The following BCKDHB variants were observed in gnomAD, a reference collection of about 807,000 sequenced individuals.
BCKDHB encodes the protein branched chain keto acid dehydrogenase E1 subunit beta.
BCKDHB carries 41 observed loss-of-function variants against 48.5 expected under a neutral mutation model. That is an observed-to-expected ratio of 0.85 (90% CI 0.66 to 1.10). The LOEUF (loss-of-function observed/expected upper bound fraction) is 1.10. BCKDHB is among the 50% of genes least tolerant of loss of function. The pLI, the probability that BCKDHB is intolerant of heterozygous loss-of-function variation, is 0.00. For missense variants in BCKDHB, 496 were observed against 494.2 expected, an observed-to-expected ratio of 1.00 and a Z score of -0.03; for synonymous variants, 201 against 174.8, an observed-to-expected ratio of 1.15 and a Z score of -1.18.
At chr6:80,352,116 G>A in the BCKDHB span, among the ~76,000 whole-genome samples, 2 of 151,162 alleles carry the variant, frequency 1.3e-5, no homozygotes, top group South Asian at 2.1e-4. Flanking sequence ...TAGCCACTGC[G>A]CCCGGCTTTT....
At chr6:80,207,738 G>A (rs186003653) in intron 8 of BCKDHB, among the ~76,000 whole-genome samples, 2 of 151,770 alleles carry the variant, frequency 1.3e-5, no homozygotes, top group East Asian at 3.9e-4. Context: ...AGGCAAAAAG[G>A]ACTACTAGAA....
intron 3 of BCKDHB, among the ~76,000 whole-genome samples, chr6:80,162,750 C>T (rs1379659046): frequency 6.6e-6 from 1 of 152,062 alleles, no homozygotes; most frequent in Non-Finnish European, 1.5e-5. Flanking sequence ...ACTCGGGAGG[C>T]TGAGGAAGGA....
the BCKDHB span, among the ~76,000 whole-genome samples, chr6:80,402,077 G>A: frequency 6.6e-6 from 1 of 151,692 alleles, no homozygotes; most frequent in Non-Finnish European, 1.5e-5. Context: ...AATAAGCATG[G>A]GGGAGCAGAT....
intron 9 of BCKDHB, among the ~76,000 whole-genome samples, chr6:80,290,629 C>A (rs920510327): frequency 6.6e-6 from 1 of 152,168 alleles, no homozygotes; most frequent in Non-Finnish European, 1.5e-5. Context: ...AAATCCAGCA[C>A]AAGAATTTGT....
chr6:80,234,437 A>G (rs1708486951), intron 8 of BCKDHB, among the ~76,000 whole-genome samples: 1 of 152,186 alleles, frequency 6.6e-6, no homozygotes, highest in Non-Finnish European at 1.5e-5. Context: ...TTTGTATATA[A>G]ATATAGATTG....
chr6:80,215,734 T>A (rs1329321572), intron 8 of BCKDHB, among the ~76,000 whole-genome samples: 1 of 152,202 alleles, frequency 6.6e-6, no homozygotes, highest in East Asian at 1.9e-4. Flanking sequence ...TCTGACCTAA[T>A]GTTATATATA....
the BCKDHB span, chr6:80,463,142 A>C: frequency 6.6e-6 from 1 of 152,344 alleles, no homozygotes; most frequent in East Asian, 1.9e-4. Flanking sequence ...GTAAGTGCAA[A>C]CATATTTCGA....
the BCKDHB span, among the ~76,000 whole-genome samples, chr6:80,377,047 T>A: frequency 6.6e-6 from 1 of 151,320 alleles, no homozygotes; most frequent in African/African-American, 2.4e-5. Context: ...TTAATTTTTT[T>A]TTTTTTTTTT....
At chr6:80,374,105 C>A in the BCKDHB span, 1 of 703,712 alleles carries the variant, frequency 1.4e-6, no homozygotes, top group Non-Finnish European at 2.6e-6. Context: ...TAGGAGCAAT[C>A]TGTTCCTTTT....
chr6:80,464,574 C>T, the BCKDHB span, among the ~76,000 whole-genome samples: 1 of 152,154 alleles, frequency 6.6e-6, no homozygotes, highest in African/African-American at 2.4e-5. Context: ...AATAAAAATT[C>T]CTCTCCTCAG....
At chr6:80,398,642 CAA>C in the BCKDHB span, among the ~76,000 whole-genome samples, 1 of 150,972 alleles carries the variant, frequency 6.6e-6, no homozygotes, top group Non-Finnish European at 1.5e-5. Flanking sequence ...GATTCACAGT[CAA>C]ATTCTACCAG....
chr6:80,180,043 G>A (rs1727419442), intron 6 of BCKDHB, among the ~76,000 whole-genome samples: 1 of 152,102 alleles, frequency 6.6e-6, no homozygotes, highest in Non-Finnish European at 1.5e-5. Flanking sequence ...TGCTCTCTGT[G>A]CAAACCTCTG....
intron 9 of BCKDHB, among the ~76,000 whole-genome samples, chr6:80,287,483 G>A (rs528963891): frequency 6.9e-6 from 1 of 144,306 alleles, no homozygotes; most frequent in Non-Finnish European, 1.5e-5. Context: ...TTTTTTTAAT[G>A]TAATGTTGAT....
At chr6:80,377,010 A>T in the BCKDHB span, among the ~76,000 whole-genome samples, 6 of 150,926 alleles carry the variant, frequency 4.0e-5, no homozygotes, top group South Asian at 1.3e-3. Flanking sequence ...CACTTTTTTA[A>T]TAGTGTCCTT....
chr6:80,350,690 G>A (rs1044091792), downstream of BCKDHB, among the ~76,000 whole-genome samples: 4 of 152,092 alleles, frequency 2.6e-5, no homozygotes, highest in African/African-American at 7.2e-5. Flanking sequence ...GCCCTATTTG[G>A]CTGTTGTAAG....
At chr6:80,389,336 C>T in the BCKDHB span, among the ~76,000 whole-genome samples, 1 of 152,194 alleles carries the variant, frequency 6.6e-6, no homozygotes, top group South Asian at 2.1e-4. Flanking sequence ...TGCTGAGTGC[C>T]CAATTTGCCA....
chr6:80,310,832 C>T (rs1176108793), intron 9 of BCKDHB, among the ~76,000 whole-genome samples: 1 of 152,138 alleles, frequency 6.6e-6, no homozygotes, highest in Admixed American at 6.5e-5. Flanking sequence ...TTTTGATTTG[C>T]ATTTCTCTAA....
At chr6:80,239,051 C>T (rs1776268214) in intron 8 of BCKDHB, among the ~76,000 whole-genome samples, 1 of 152,168 alleles carries the variant, frequency 6.6e-6, no homozygotes, top group Admixed American at 6.5e-5. Context: ...AATAATGCTG[C>T]AATGAACATA....
intron 8 of BCKDHB, among the ~76,000 whole-genome samples, chr6:80,242,391 T>C (rs1434967865): frequency 3.3e-5 from 5 of 152,186 alleles, no homozygotes; most frequent in Admixed American, 3.3e-4. Flanking sequence ...ATCTTAACAA[T>C]ATAGCTTTAT....
Sources: allele counts gnomAD v4.1 joint callset (sites outside exome capture counted in the v4.1 genomes callset), GRCh38; gene constraint gnomAD v4.1.1; transcripts MANE v1.5; gene names NCBI Gene and HGNC (gene_info 2026-07-23, HGNC 2026-07-21).